The following CSE1L variants were observed in gnomAD, a reference collection of about 807,000 sequenced individuals.
CSE1L encodes exportin-2.
CSE1L carries 24 observed loss-of-function variants against 120.4 expected under a neutral mutation model. The observed-to-expected ratio is 0.20, with a 90% confidence interval of 0.14 to 0.28. CSE1L has a LOEUF of 0.28. Among genes scored for constraint, CSE1L ranks in the 10% least tolerant of loss-of-function variants. The probability of loss-of-function intolerance (pLI) is 1.00; values close to 1 mark genes in which losing one functional copy is unlikely to be tolerated. For synonymous variants in CSE1L, 402 were observed against 398.3 expected, an observed-to-expected ratio of 1.01 and a Z score of -0.11; for missense variants, 830 against 1,145.2, an observed-to-expected ratio of 0.72 and a Z score of 3.97.
intron 2 of CSE1L, 138 bp downstream of exon 2, chr20:49,058,686 G>T: frequency 1.7e-6 from 1 of 582,274 alleles, no homozygotes. Context: ...AAGTGTTACA[G>T]CTGCTATACC....
At chr20:49,089,480 C>G in intron 18 of CSE1L, 58 bp from the exon 19 acceptor site, 5 of 1,602,312 alleles carry the variant, frequency 3.1e-6, no homozygotes, top group Non-Finnish European at 4.3e-6. Flanking sequence ...CGATGTGGGC[C>G]TTTTGTGTCA....
intron 14 of CSE1L, among the ~76,000 whole-genome samples, chr20:49,083,069 C>T (rs1019617094): frequency 1.1e-4 from 17 of 150,050 alleles, no homozygotes; most frequent in Non-Finnish European, 1.6e-4. Flanking sequence ...CTGTTGCCCA[C>T]GCTGGAGTGC....
chr20:49,067,698 T>C (rs1347455325), intron 6 of CSE1L, among the ~76,000 whole-genome samples: 1 of 151,928 alleles, frequency 6.6e-6, no homozygotes, highest in Non-Finnish European at 1.5e-5. Flanking sequence ...TTTGTGAAAA[T>C]CCTATAAGAT....
intron 10 of CSE1L, among the ~76,000 whole-genome samples, chr20:49,074,219 A>G (rs1045180045): frequency 4.0e-5 from 1 of 25,108 alleles, no homozygotes; most frequent in South Asian, 2.4e-3. Context: ...GTGTGTGTGT[A>G]GACTTTTTTT....
At chr20:49,075,048 T>C (rs1416906125) in intron 11 of CSE1L, among the ~76,000 whole-genome samples, 198 bp downstream of exon 11, 1 of 152,316 alleles carries the variant, frequency 6.6e-6, no homozygotes, top group East Asian at 1.9e-4. Context: ...AGTTGAATCA[T>C]TTGTCTGTTC....
intron 14 of CSE1L, among the ~76,000 whole-genome samples, chr20:49,081,488 T>C (rs1004698583): frequency 6.6e-6 from 1 of 152,250 alleles, no homozygotes; most frequent in Non-Finnish European, 1.5e-5. Context: ...AGAAAAATTA[T>C]AGAGAATACC....
At position 49,083,153 on chromosome 20, in the gene CSE1L, T is replaced by C. The variant is rs374080630; in HGVS notation, c.1483-873T>C. 2.0e-3 allele frequency among the ~76,000 whole-genome samples: 305 copies of C among 151,796 alleles called. 2 individuals are homozygous for C. The highest frequency in any genetic ancestry group is 7.1e-3 in the African/African-American group (291 of 41,256). On this transcript the variant is annotated intron_variant, in intron 14 of 24. Coordinates refer to ENST00000262982, the MANE Select transcript of CSE1L (RefSeq NM_001316.4). The stretch of plus-strand genomic sequence containing the variant: ...CATTCTTCTGCCTCAGCCTCCCGAG[T>C]AGCTGGGACTACAGGCGCATGCCAC...
chr20:49,091,604 C>G (rs1600551134), intron 21 of CSE1L, among the ~76,000 whole-genome samples: 2 of 151,986 alleles, frequency 1.3e-5, no homozygotes, highest in African/African-American at 4.8e-5. Flanking sequence ...GTGCCTGTAG[C>G]CCCAGCTACT....
At chr20:49,067,928 CTTTTTTTTTTTT>C (rs10567768) in intron 6 of CSE1L, among the ~76,000 whole-genome samples, 10 of 78,480 alleles carry the variant, frequency 1.3e-4, no homozygotes, top group Non-Finnish European at 9.0e-5. Context: ...TTCCCTCTCT[CTTTTTTTTTTTT>C]TTTTTTTTTT....
intron 22 of CSE1L, 76 bp from the exon 23 acceptor site, chr20:49,094,060 GAAGT>G (rs2092122044): frequency 3.5e-6 from 3 of 845,452 alleles, no homozygotes; most frequent in South Asian, 3.8e-5. Flanking sequence ...ATATTCATAA[GAAGT>G]AACTAACATC....
chr20:49,060,928 G>A (rs2091847649), intron 2 of CSE1L, among the ~76,000 whole-genome samples: 1 of 152,182 alleles, frequency 6.6e-6, no homozygotes. Context: ...GCTCATAGAG[G>A]ATGTTGGAAG....
At position 49,067,186 on chromosome 20, in the gene CSE1L, C is replaced by G. The variant is rs1997544; in HGVS notation, c.477-4C>G. 6.3e-7 allele frequency: 1 copy of G among 1,586,208 alleles called. No individual in the cohort carries two copies. Among genetic ancestry groups the G allele is most frequent in the Non-Finnish European group, 8.6e-7 (1 of 1,160,866 alleles). ...AATTTATCTGTTTTACCTTAATTTT[C>G]TAGATACCGTCATGAATTTAAGTCA... On this transcript the variant is annotated splice_polypyrimidine_tract_variant and splice_region_variant and intron_variant, in intron 5 of 24. Coordinates refer to ENST00000262982, the MANE Select transcript of CSE1L (RefSeq NM_001316.4).
intron 1 of CSE1L, among the ~76,000 whole-genome samples, chr20:49,047,877 A>G (rs1209915431): frequency 1.3e-5 from 2 of 151,864 alleles, no homozygotes; most frequent in East Asian, 3.8e-4. Context: ...CATAGCATTT[A>G]CTAACACTTA....
intron 12 of CSE1L, among the ~76,000 whole-genome samples, chr20:49,076,460 A>G (rs2123719698): frequency 6.7e-6 from 1 of 149,946 alleles, no homozygotes; most frequent in African/African-American, 2.5e-5. Flanking sequence ...TGCTGGGATT[A>G]CAAGCATGAG....
rs533687190 is a variant in CSE1L at position 49,078,530 on chromosome 20, A to C, written c.1421-31A>C. The C allele has an allele frequency of 2.7e-6, 4 of 1,478,794 alleles. No individual in the cohort carries two copies. In the South Asian group the frequency reaches 5.0e-5, roughly 18 times the overall value. 91.6% of individuals were successfully genotyped at this position (1,478,794 alleles called of 1,614,324 possible). On this transcript the variant is annotated intron_variant, in intron 13 of 24. Transcript: ENST00000262982. ...TGGAAGTAATGATCCTTACCACTTAAGTAACTGTGGCTTTCTGTTTTTTTA... is the reference window on the plus strand; with the variant it reads ...TGGAAGTAATGATCCTTACCACTTACGTAACTGTGGCTTTCTGTTTTTTTA...
intron 1 of CSE1L, among the ~76,000 whole-genome samples, chr20:49,052,556 G>A (rs1242304090): frequency 1.3e-5 from 2 of 152,180 alleles, no homozygotes; most frequent in Admixed American, 6.5e-5. Flanking sequence ...GCCAGGAGGA[G>A]GTAGGAGATG....
intron 9 of CSE1L, 46 bp downstream of exon 9, chr20:49,072,499 A>G (rs79186842): frequency 0.12 from 197,279 of 1,607,586 alleles, 14,037 homozygotes; most frequent in Non-Finnish European, 0.15. Context: ...TTCTCTCCCT[A>G]TCTCCTCCAA....
intron 14 of CSE1L, 33 bp from the exon 15 acceptor site, chr20:49,083,993 C>T: frequency 6.3e-7 from 1 of 1,589,232 alleles, no homozygotes; most frequent in Non-Finnish European, 8.6e-7. Context: ...GGAATCATTG[C>T]ATTTAGAGCA....
intron 1 of CSE1L, among the ~76,000 whole-genome samples, chr20:49,047,988 C>T (rs1312757235): frequency 6.6e-6 from 1 of 152,132 alleles, no homozygotes; most frequent in Non-Finnish European, 1.5e-5. Flanking sequence ...TGGTGGGTGC[C>T]ATCCCACCTG....
Sources: gnomAD v4.1 joint callset for allele counts (sites outside exome capture counted in the v4.1 genomes callset) on GRCh38, gnomAD v4.1.1 for gene constraint, MANE v1.5 for transcripts, NCBI Gene and HGNC (gene_info 2026-07-23, HGNC 2026-07-21) for gene names.